The following PXDN variants were observed in gnomAD, a reference collection of about 807,000 sequenced individuals.
The protein encoded by PXDN is peroxidasin homolog.
PXDN carries 77 observed loss-of-function variants against 140.3 expected under a neutral mutation model. The ratio of observed to expected loss-of-function variants is 0.55; its 90% confidence interval spans 0.46 to 0.66. PXDN has a LOEUF of 0.66. Ranked by LOEUF, PXDN falls within the 30% of genes least tolerant of loss-of-function variation. PXDN has a pLI of 0.00. For missense variants in PXDN, 1,838 were observed against 2,039.5 expected (o/e 0.90, Z 1.90); for synonymous variants, 911 against 857.4 (o/e 1.06, Z -1.09).
rs140718303 is a variant in PXDN, at chr2:1,690,844, A to C, written c.344+1084T>G. ...CGCACAGAGGGAATATATTTTAATAAACAGAGTTAAAGGTAGCTCTGTAAT... is the reference window on the plus strand; with the variant it reads ...CGCACAGAGGGAATATATTTTAATACACAGAGTTAAAGGTAGCTCTGTAAT... On this transcript the variant is annotated intron_variant, in intron 3 of 22. Coordinates refer to ENST00000252804, the MANE Select transcript of PXDN (RefSeq NM_012293.3). Among the ~76,000 whole-genome samples, 397 of 152,328 alleles carry C rather than the reference A, an allele frequency of 2.6e-3. 1 individual carries two copies. The highest frequency in any genetic ancestry group is 8.3e-3 in the African/African-American group (344 of 41,570).
intron 1 of PXDN, among the ~76,000 whole-genome samples, chr2:1,729,312 C>G (rs1189191797): frequency 1.3e-5 from 2 of 152,184 alleles, no homozygotes; most frequent in Non-Finnish European, 2.9e-5. Context: ...ATCCCGGGGT[C>G]AGAGACGGTG....
chr2:1,726,256 T>C (rs993949454), intron 1 of PXDN, among the ~76,000 whole-genome samples: 19 of 150,884 alleles, frequency 1.3e-4, no homozygotes, highest in Admixed American at 1.2e-3. Flanking sequence ...CCATAAAAAA[T>C]GATGAGTTCA....
intron 1 of PXDN, among the ~76,000 whole-genome samples, chr2:1,709,649 G>T (rs1003857289): frequency 6.6e-6 from 1 of 152,190 alleles, no homozygotes; most frequent in African/African-American, 2.4e-5. Context: ...CCGGCAAGGC[G>T]GCTCCCATCG....
At chr2:1,720,724 TCACACA>T (rs1221326586) in intron 1 of PXDN, among the ~76,000 whole-genome samples, 71 of 28,170 alleles carry the variant, frequency 2.5e-3, no homozygotes, top group African/African-American at 4.0e-3. Flanking sequence ...TCTCTCTCTC[TCACACA>T]CACACACACA....
intron 8 of PXDN, among the ~76,000 whole-genome samples, chr2:1,674,363 G>C (rs1302773469): frequency 1.3e-5 from 2 of 152,170 alleles, no homozygotes; most frequent in Non-Finnish European, 2.9e-5. Flanking sequence ...GTGTGCGCCA[G>C]ACCTCTCTAT....
At chr2:1,656,936 A>T (rs939062955) in intron 14 of PXDN, among the ~76,000 whole-genome samples, 1 of 148,182 alleles carries the variant, frequency 6.7e-6, no homozygotes, top group East Asian at 2.0e-4. Flanking sequence ...CCTGACAGAA[A>T]CCTGTCCCCT....
chr2:1,665,022 C>G lies in PXDN; in HGVS notation c.1344G>C (p.Gln448His). The G allele has an allele frequency of 6.2e-7, 1 of 1,612,410 alleles. No homozygotes were observed. The highest frequency in any genetic ancestry group is 8.5e-7 in the Non-Finnish European group (1 of 1,179,222). Residue 448 changes from glutamine (Q) to histidine (H), a missense_variant, in exon 11 of 23, where the codon CAG becomes CAC. Physicochemically the swap from Gln to His is conservative, Grantham distance 24. Coordinates refer to ENST00000252804, the MANE Select transcript of PXDN (RefSeq NM_012293.3). ...TPQDRVVIEG[Q>H]TVDFQCEAKG... is the part of the protein sequence containing the mutation. ...TGGCTTCACACTGGAAATCCACGGT[C>G]TGGCCCTCAATAACGACTCTGTCCT...
chr2:1,666,319 C>T lies in PXDN; in HGVS notation c.1186G>A (p.Gly396Arg), dbSNP rs1403123217. The change falls in exon 10 of 23, where the codon GGG (glycine) becomes AGG (arginine). Residue 396 changes from glycine to arginine, a missense_variant. Around this residue, in one of 5 missense-constraint regions of PXDN, gnomAD observed 208 missense variants for 325.8 expected, o/e 0.64. Transcript: ENST00000252804. ...DPRVNITPSG[G>R]LYIQNVVQGD... ...TGTACGACGTTCTGTATGTAAAGCC[C>T]GCCAGAAGGCGTGATGTTCACCCGC... is the stretch of plus-strand genomic sequence containing the variant. 6.2e-7 allele frequency: 1 copy of T among 1,614,042 alleles called. No individual in the cohort carries two copies. The highest frequency in any genetic ancestry group is 8.5e-7 in the Non-Finnish European group (1 of 1,179,902).
At chr2:1,667,512 G>T (rs111581957) in intron 9 of PXDN, among the ~76,000 whole-genome samples, 1 of 152,118 alleles carries the variant, frequency 6.6e-6, no homozygotes, top group African/African-American at 2.4e-5. Context: ...AAGTCAAATT[G>T]TCTCTGTTTG....
rs6711430 is a variant in PXDN, at chr2:1,638,784, G to A, written c.4206+62C>T. Reference sequence around the variant, plus strand: ...ATAAAATGCTATACCCAGAAGGTTCGGGCAGGGCTGTGCTGCTGTGGAATC... The same window carrying A: ...ATAAAATGCTATACCCAGAAGGTTCAGGCAGGGCTGTGCTGCTGTGGAATC... On this transcript the variant is annotated intron_variant, in intron 21 of 22. Transcript: ENST00000252804. 1.8e-3 allele frequency: 2,898 copies of A among 1,606,886 alleles called. 47 individuals are homozygous for A. The African/African-American group carries it at 0.034, about 19-fold the overall frequency.
chr2:1,647,488 G>C (rs1052755276), intron 17 of PXDN, among the ~76,000 whole-genome samples: 1 of 152,194 alleles, frequency 6.6e-6, no homozygotes, highest in South Asian at 2.1e-4. Context: ...CAGGGTCCGA[G>C]GTCTCCTAAT....
intron 22 of PXDN, 90 bp from the exon 23 acceptor site, chr2:1,634,413 C>A: frequency 1.4e-6 from 2 of 1,462,616 alleles, no homozygotes; most frequent in Non-Finnish European, 1.8e-6. Context: ...GTGTCAGCCA[C>A]GGCCATGAGT....
intron 3 of PXDN, among the ~76,000 whole-genome samples, chr2:1,691,713 G>C (rs899236300): frequency 2.0e-5 from 3 of 152,126 alleles, no homozygotes; most frequent in Non-Finnish European, 4.4e-5. Flanking sequence ...CTAAGGCTTA[G>C]TGATGAAACA....
In PXDN at chr2:1,649,977, ACC is replaced by A. The variant is rs1338344279; in HGVS notation, c.2105-304_2105-303del. Among the ~76,000 whole-genome samples, 1 of 151,372 alleles carries A rather than the reference ACC, an allele frequency of 6.6e-6. No homozygotes were observed. The highest frequency in any genetic ancestry group is 2.4e-5 in the African/African-American group (1 of 41,108). ...TCAACCAGCAGCTCTCCTCTGGGAGACCCCTAACCGATGGAGCCCGACCCACG... is the reference window on the plus strand; with the variant it reads ...TCAACCAGCAGCTCTCCTCTGGGAGACCTAACCGATGGAGCCCGACCCACG... On this transcript the variant is annotated intron_variant, in intron 16 of 22. Coordinates refer to ENST00000252804, the MANE Select transcript of PXDN (RefSeq NM_012293.3). The surrounding 1 kb of genome is among the most constrained non-coding windows in gnomAD (Gnocchi z 7.1).
chr2:1,703,205 GA>G (rs1332210903), intron 1 of PXDN, among the ~76,000 whole-genome samples: 1 of 38,720 alleles, frequency 2.6e-5, no homozygotes, highest in African/African-American at 1.4e-4. Flanking sequence ...GTGAAAGAGG[GA>G]CAACTCCAGG....
intron 7 of PXDN, 45 bp from the exon 8 acceptor site, chr2:1,677,089 A>T (rs1216166471): frequency 6.7e-7 from 1 of 1,482,912 alleles, no homozygotes; most frequent in Admixed American, 2.2e-5. Context: ...CTAAACCATG[A>T]CATGAAAATA....
chr2:1,677,477 A>G (rs1348198783), intron 7 of PXDN, among the ~76,000 whole-genome samples: 1 of 152,234 alleles, frequency 6.6e-6, no homozygotes, highest in Non-Finnish European at 1.5e-5. Flanking sequence ...GGCAGGTGGC[A>G]GACACCACAG....
intron 3 of PXDN, among the ~76,000 whole-genome samples, chr2:1,688,376 T>C (rs144963175): frequency 0.022 from 3,332 of 152,338 alleles, 52 homozygotes; most frequent in Middle Eastern, 0.051. Flanking sequence ...GCGCTGGCGC[T>C]GTGTGGCCGA....
rs1683011363 is a variant in PXDN at position 1,651,428 on chromosome 2, GC to G, written c.2105-1754del. Among the ~76,000 whole-genome samples the G allele has an allele frequency of 6.6e-6, 1 of 152,170 alleles. No individual in the cohort carries two copies. The highest frequency in any genetic ancestry group is 2.1e-4 in the South Asian group (1 of 4,832). ...TCACCCCATGCAGAGTGGTCACCCA[GC>G]CCGATGCTTGAAAATGCATCAAACC... On this transcript the variant is annotated intron_variant, in intron 16 of 22. Transcript: ENST00000252804. This position sits in a 1 kb window ranked among gnomAD's most constrained non-coding sequence, Gnocchi z 4.4.
Sources: gnomAD v4.1 joint callset for allele counts (sites outside exome capture counted in the v4.1 genomes callset) on GRCh38, gnomAD v4.1.1 for gene constraint, gnomAD v4.1.1 regional missense constraint, Gnocchi (gnomAD v3.1) non-coding constraint, MANE v1.5 for transcripts, NCBI Gene and HGNC (gene_info 2026-07-23, HGNC 2026-07-21) for gene names.